The following CNTNAP2 variants were observed in gnomAD, a reference collection of about 807,000 sequenced individuals.
The protein encoded by CNTNAP2 is contactin associated protein 2.
In CNTNAP2, 98 loss-of-function variants were observed where a neutral mutation model predicts 155.2. The observed-to-expected ratio is 0.63, with a 90% CI of 0.54 to 0.75. The LOEUF (loss-of-function observed/expected upper bound fraction) is 0.75. Among genes scored for constraint, CNTNAP2 ranks in the 30% least tolerant of loss-of-function variants. CNTNAP2 has a pLI of 0.00. For missense variants in CNTNAP2, 1,727 were observed against 1,688.1 expected (o/e 1.02, Z -0.40); for synonymous variants, 651 against 631.2 (o/e 1.03, Z -0.47).
intron 2 of CNTNAP2, among the ~76,000 whole-genome samples, chr7:146,838,809 A>G (rs1056604829): frequency 6.6e-6 from 1 of 152,128 alleles, no homozygotes; most frequent in Non-Finnish European, 1.5e-5. Flanking sequence ...AATAGTACAC[A>G]CGTTTTGATA....
chr7:147,046,861 C>G (rs1166569829), intron 4 of CNTNAP2, among the ~76,000 whole-genome samples: 1 of 151,740 alleles, frequency 6.6e-6, no homozygotes, highest in Non-Finnish European at 1.5e-5. Flanking sequence ...AACCCCGTCT[C>G]TACTAAAAAT....
intron 9 of CNTNAP2, among the ~76,000 whole-genome samples, chr7:147,322,786 T>C (rs1795377233): frequency 7.0e-6 from 1 of 143,076 alleles, no homozygotes; most frequent in African/African-American, 2.7e-5. Flanking sequence ...ATTCAACTTC[T>C]TCCTGGATTA....
At chr7:146,436,373 T>C (rs1796243859) in intron 1 of CNTNAP2, among the ~76,000 whole-genome samples, 1 of 152,178 alleles carries the variant, frequency 6.6e-6, no homozygotes, top group African/African-American at 2.4e-5. Context: ...GCAGTGGTGA[T>C]AATAAAAATG....
intron 8 of CNTNAP2, among the ~76,000 whole-genome samples, chr7:147,208,371 G>A (rs560153759): frequency 6.6e-6 from 1 of 152,036 alleles, no homozygotes; most frequent in African/African-American, 2.4e-5. Context: ...TGTTCAAAAT[G>A]CAATTATCTC....
rs139882028 is a variant in CNTNAP2 at position 146,580,491 on chromosome 7, C to G, written c.98-193780C>G. On this transcript the variant is annotated intron_variant, in intron 1 of 23. Transcript: ENST00000361727. ...CCCAATTAAAAAAAAAAAAAAGATT[C>G]AAGAGATTTAGTAAGTACTTCGGCA... 1.6e-3 allele frequency among the ~76,000 whole-genome samples: 241 copies of G among 149,464 alleles called. 1 individual carries two copies. The highest frequency in any genetic ancestry group is 5.7e-3 in the African/African-American group (233 of 40,624).
chr7:146,634,855 A>G (rs1007270168), intron 1 of CNTNAP2, among the ~76,000 whole-genome samples: 5 of 152,206 alleles, frequency 3.3e-5, no homozygotes, highest in African/African-American at 9.6e-5. Flanking sequence ...ACTCATTCCA[A>G]TTAAACCAAT....
rs1039498467 is a variant in CNTNAP2, at chr7:146,984,538, C to T, written c.403-59369C>T. ...TGTGAAGAATGGCTGCAGTTTTAGT[C>T]ATGGCTATAAGACAATGTCATTTTA... is the stretch of plus-strand genomic sequence containing the variant. On this transcript the variant is annotated intron_variant, in intron 3 of 23. Coordinates refer to ENST00000361727, the MANE Select transcript of CNTNAP2 (RefSeq NM_014141.6). Among the ~76,000 whole-genome samples, 3 of 151,698 alleles carry T rather than the reference C, an allele frequency of 2.0e-5. No individual in the cohort carries two copies. The East Asian group carries it at 5.8e-4, about 30-fold the overall frequency.
chr7:148,152,410 G>T (rs563277674), intron 17 of CNTNAP2, among the ~76,000 whole-genome samples: 2 of 151,922 alleles, frequency 1.3e-5, no homozygotes, highest in Non-Finnish European at 2.9e-5. Context: ...TGAGTTCTGC[G>T]TCCCAAGTCT....
intron 13 of CNTNAP2, among the ~76,000 whole-genome samples, chr7:147,818,338 T>A (rs1199189042): frequency 6.6e-6 from 1 of 152,218 alleles, no homozygotes; most frequent in Non-Finnish European, 1.5e-5. Flanking sequence ...GTTCTGCTAA[T>A]ACAATTTATA....
intron 9 of CNTNAP2, among the ~76,000 whole-genome samples, chr7:147,380,383 T>C (rs1584912997): frequency 6.6e-6 from 1 of 152,242 alleles, no homozygotes; most frequent in Admixed American, 6.6e-5. Context: ...GACATTTGTA[T>C]AACATGTAAA....
chr7:146,934,586 CTT>C (rs1796870506), intron 3 of CNTNAP2, among the ~76,000 whole-genome samples: 1 of 151,930 alleles, frequency 6.6e-6, no homozygotes, highest in African/African-American at 2.4e-5. Flanking sequence ...TACCATAAAA[CTT>C]TAATAATAAT....
intron 8 of CNTNAP2, among the ~76,000 whole-genome samples, chr7:147,151,359 T>G (rs1342250441): frequency 6.6e-6 from 1 of 152,130 alleles, no homozygotes; most frequent in Non-Finnish European, 1.5e-5. Flanking sequence ...ATTACTCTTT[T>G]GTAATGTTAG....
intron 10 of CNTNAP2, among the ~76,000 whole-genome samples, chr7:147,467,927 A>G (rs1798148640): frequency 6.6e-6 from 1 of 152,096 alleles, no homozygotes; most frequent in South Asian, 2.1e-4. Flanking sequence ...GCTTCTCAGG[A>G]GGCTGAAGAG....
At chr7:147,675,073 G>C (rs1225168046) in intron 13 of CNTNAP2, among the ~76,000 whole-genome samples, 1 of 151,922 alleles carries the variant, frequency 6.6e-6, no homozygotes, top group African/African-American at 2.4e-5. Context: ...TGATATCAAG[G>C]TATTCATAAG....
At chr7:146,790,849 G>A (rs905247898) in intron 2 of CNTNAP2, among the ~76,000 whole-genome samples, 1 of 151,602 alleles carries the variant, frequency 6.6e-6, no homozygotes, top group Non-Finnish European at 1.5e-5. Context: ...GATTACAGGC[G>A]TGAGCCACCA....
chr7:146,238,369 C>T (rs1017785816), intron 1 of CNTNAP2, among the ~76,000 whole-genome samples: 6 of 152,080 alleles, frequency 3.9e-5, no homozygotes, highest in African/African-American at 7.2e-5. Context: ...ATTAAAATAC[C>T]TGTTCTAATT....
intron 15 of CNTNAP2, among the ~76,000 whole-genome samples, chr7:148,036,749 T>C (rs960385835): frequency 1.3e-5 from 2 of 152,176 alleles, no homozygotes; most frequent in African/African-American, 4.8e-5. Context: ...CAGAATCAAG[T>C]CTAGAATTCT....
intron 11 of CNTNAP2, among the ~76,000 whole-genome samples, chr7:147,492,316 C>T (rs1055537083): frequency 1.3e-5 from 2 of 152,184 alleles, no homozygotes; most frequent in Non-Finnish European, 2.9e-5. Context: ...GGCGGGAATG[C>T]CTGCCTCCTG....
At chr7:147,086,499 T>C (rs1800282498) in intron 4 of CNTNAP2, among the ~76,000 whole-genome samples, 1 of 152,170 alleles carries the variant, frequency 6.6e-6, no homozygotes, top group Non-Finnish European at 1.5e-5. Context: ...TGCAATGGCA[T>C]GATCATGGCT....
Sources: allele counts gnomAD v4.1 joint callset (sites outside exome capture counted in the v4.1 genomes callset), GRCh38; gene constraint gnomAD v4.1.1; transcripts MANE v1.5; gene names NCBI Gene and HGNC (gene_info 2026-07-23, HGNC 2026-07-21).